The following EPHA2 variants were observed in gnomAD, a reference collection of about 807,000 sequenced individuals.
EPHA2 encodes the protein ephrin type-A receptor 2.
A neutral mutation model predicts 104.9 loss-of-function variants in EPHA2; 54 were observed. That is an observed-to-expected ratio of 0.51 (90% confidence interval 0.41 to 0.65). The LOEUF (loss-of-function observed/expected upper bound fraction) is 0.65, where lower values mean the gene tolerates loss of function less well. EPHA2 is among the 30% of genes least tolerant of loss of function. The pLI, the probability that EPHA2 is intolerant of heterozygous loss-of-function variation, is 0.00. For missense variants in EPHA2, 1,117 were observed against 1,369.5 expected (o/e 0.82, Z 2.91); for synonymous variants, 560 against 559.1 (o/e 1.00, Z -0.02).
intron 5 of EPHA2, 27 bp downstream of exon 5, chr1:16,137,826 G>C: frequency 6.2e-7 from 1 of 1,612,786 alleles, no homozygotes; most frequent in Non-Finnish European, 8.5e-7. Context: ...GGCCCCATAG[G>C]GCACAGCTGC....
Position 16,153,128 on chromosome 1 carries a change from G to A in EPHA2, c.86-2165C>T, listed in dbSNP as rs1200957266. The A allele has an allele frequency of 1.8e-5, 16 of 872,142 alleles. No individual in the cohort carries two copies. The South Asian group carries it at 8.6e-4, about 47-fold the overall frequency. The allele number at this position is 872,142 out of a possible 1,614,324, so 54.0% of individuals were successfully genotyped here. A position where few individuals can be genotyped will look rare whatever the true frequency, so the allele number is the denominator to read the frequency against. ...ATCCCCTTACCTTCCCATTTCTGGGGGGAAAAAAAAAAAGCAAAAAACACC... is the reference window on the plus strand; with the variant it reads ...ATCCCCTTACCTTCCCATTTCTGGGAGGAAAAAAAAAAAGCAAAAAACACC... On this transcript the variant is annotated intron_variant, in intron 1 of 16. Coordinates refer to ENST00000358432, the MANE Select transcript of EPHA2 (RefSeq NM_004431.5).
chr1:16,141,130 C>T (rs1400422392), intron 3 of EPHA2, among the ~76,000 whole-genome samples: 2 of 152,176 alleles, frequency 1.3e-5, no homozygotes, highest in Admixed American at 6.5e-5. Flanking sequence ...AAGGCCTGAC[C>T]CACTTCAAAA....
Position 16,150,812 on chromosome 1 carries a change from C to T in EPHA2, c.153+84G>A, listed in dbSNP as rs1183066215. On this transcript the variant is annotated intron_variant, in intron 2 of 16. Coordinates refer to ENST00000358432, the MANE Select transcript of EPHA2 (RefSeq NM_004431.5). This position sits in a 1 kb window ranked among gnomAD's most constrained non-coding sequence, Gnocchi z 4.8. ...TGCTGAATTGAAGCCAGGCCCCACG[C>T]TCCCTGGGCCTCAGTTTCTCCATCT... 2.7e-6 allele frequency: 4 copies of T among 1,478,102 alleles called. No individual in the cohort carries two copies. Among genetic ancestry groups the T allele is most frequent in the Middle Eastern group, 1.8e-4 (1 of 5,610 alleles). The allele number at this position is 1,478,102 out of a possible 1,614,324, so 91.6% of individuals were successfully genotyped here. A position where few individuals can be genotyped will look rare whatever the true frequency, so the allele number is the denominator to read the frequency against.
chr1:16,145,036 C>T (rs1455276044), intron 3 of EPHA2, among the ~76,000 whole-genome samples: 1 of 152,172 alleles, frequency 6.6e-6, no homozygotes, highest in African/African-American at 2.4e-5. Context: ...GAGCAGGAGC[C>T]TCTCAGGAGG....
At chr1:16,133,693 C>T in intron 9 of EPHA2, 87 bp from the exon 10 acceptor site, 2 of 1,589,128 alleles carry the variant, frequency 1.3e-6, no homozygotes, top group Non-Finnish European at 1.7e-6. Context: ...GTCACGTGAT[C>T]TTCAGAGACT....
At chr1:16,139,054 C>T (rs2024774821) in intron 3 of EPHA2, among the ~76,000 whole-genome samples, 1 of 152,238 alleles carries the variant, frequency 6.6e-6, no homozygotes, top group Admixed American at 6.5e-5. Context: ...TTCTCTGGCT[C>T]TGCTTCCAGG....
chr1:16,132,867 A>T (rs1451432193), intron 11 of EPHA2: 2 of 475,046 alleles, frequency 4.2e-6, no homozygotes, highest in East Asian at 7.7e-5. Flanking sequence ...TATGGGGGGA[A>T]GGTGGGCACA....
intron 5 of EPHA2, 69 bp downstream of exon 5, chr1:16,137,784 G>T: frequency 6.3e-7 from 1 of 1,587,946 alleles, no homozygotes; most frequent in African/African-American, 1.3e-5. Context: ...CCGAGCCCCA[G>T]ATGGCCGTCC....
chr1:16,132,501 C>T, intron 11 of EPHA2, 62 bp from the exon 12 acceptor site: 3 of 1,587,926 alleles, frequency 1.9e-6, no homozygotes, highest in Non-Finnish European at 2.6e-6. Flanking sequence ...GAGGTGGGCA[C>T]AGATATGGGG....
rs1306138475 is a variant in EPHA2, at chr1:16,148,364, G to C, written c.823+14C>G. On this transcript the variant is annotated intron_variant, in intron 3 of 16. Transcript: ENST00000358432. This position sits in a 1 kb window ranked among gnomAD's most constrained non-coding sequence, Gnocchi z 4.9. ...GCAGAACCCCCTTCCCTGCAACCCA[G>C]AACCGTCACTCACCCTGGCAGGCAT... 2 of 1,613,272 alleles carry C rather than the reference G, an allele frequency of 1.2e-6. No individual in the cohort carries two copies. Among genetic ancestry groups the C allele is most frequent in the East Asian group, 4.5e-5 (2 of 44,878 alleles).
rs2124261718 is a variant in EPHA2 at position 16,148,593 on chromosome 1, T to C, written c.608A>G (p.Glu203Gly). 1 of 1,610,350 alleles carries C rather than the reference T, an allele frequency of 6.2e-7. No individual in the cohort carries two copies. The highest frequency in any genetic ancestry group is 8.5e-7 in the Non-Finnish European group (1 of 1,179,974). ...SVRVYYKKCP[E>G]LLQGLAHFPE... is the part of the protein sequence containing the mutation. ...GAAGTGGGCCAGGCCCTGCAGCAGC[T>C]CGGGGCACTTCTTGTAGTAGACACG... The change falls in exon 3 of 17, where the codon GAG becomes GGG. Residue 203 changes from glutamate (E) to glycine (G), a missense_variant. Glu to Gly is a moderately conservative substitution (Grantham distance 98). This residue lies in a region of EPHA2 where 664 missense variants were observed against 784.8 expected (regional missense o/e 0.85). Coordinates refer to ENST00000358432, the MANE Select transcript of EPHA2 (RefSeq NM_004431.5). This position sits in a 1 kb window ranked among gnomAD's most constrained non-coding sequence, Gnocchi z 4.9.
chr1:16,152,556 G>T (rs1173330319), intron 1 of EPHA2, among the ~76,000 whole-genome samples: 4 of 152,274 alleles, frequency 2.6e-5, no homozygotes, highest in African/African-American at 9.6e-5. Context: ...CCCAGGGCCG[G>T]GGCTTTGAAA....
At chr1:16,147,812 C>A (rs890229145) in intron 3 of EPHA2, among the ~76,000 whole-genome samples, 2 of 151,786 alleles carry the variant, frequency 1.3e-5, no homozygotes, top group African/African-American at 4.8e-5. Flanking sequence ...TGAACACAGG[C>A]ATTCTTGTTT....
Position 16,131,809 on chromosome 1 carries a change from G to A in EPHA2, c.2387C>T (p.Ser796Phe), listed in dbSNP as rs2124199204. ...GCCAAAGCTCCACACGTCGCTGGCA[G>A]AGGTGAACTTCCGGTAGGAAATGGC... Reference protein sequence around the residue: ...PEAISYRKFTSASDVWSFGIV... With the variant: ...PEAISYRKFTFASDVWSFGIV... Residue 796 changes from serine (S) to phenylalanine (F), a missense_variant, in exon 14 of 17, where the codon TCT becomes TTT. Ser to Phe is a radical substitution (Grantham distance 155). Around this residue, in one of 3 missense-constraint regions of EPHA2, gnomAD observed 340 missense variants for 480.5 expected, o/e 0.71. Transcript: ENST00000358432. This position sits in a 1 kb window ranked among gnomAD's most constrained non-coding sequence, Gnocchi z 5.2. The A allele has an allele frequency of 3.1e-6, 5 of 1,614,138 alleles. No homozygotes were observed. Among genetic ancestry groups the A allele is most frequent in the Non-Finnish European group, 4.2e-6 (5 of 1,180,028 alleles).
In EPHA2 at chr1:16,135,041, G is replaced by A. The variant is rs775894984; in HGVS notation, c.1577C>T (p.Thr526Met). 48 of 1,612,416 alleles carry A rather than the reference G, an allele frequency of 3.0e-5. No individual in the cohort carries two copies. The highest frequency in any genetic ancestry group is 3.8e-5 in the Non-Finnish European group (45 of 1,180,026). Reference protein sequence around the residue: ...GAGSKVHEFQTLSPEGSGNLA... With the variant: ...GAGSKVHEFQMLSPEGSGNLA... ...CCCAGGGTCCCCCAACTCACACAGC[G>A]TCTGGAATTCGTGCACCTTGCTGCC... Residue 526 changes from threonine to methionine, a missense_variant, in exon 7 of 17, where the codon ACG becomes ATG. Coordinates refer to ENST00000358432, the MANE Select transcript of EPHA2 (RefSeq NM_004431.5). The surrounding 1 kb of genome is among the most constrained non-coding windows in gnomAD (Gnocchi z 4.3).
intron 1 of EPHA2, chr1:16,155,558 T>C (rs2025143730): frequency 5.3e-6 from 2 of 380,090 alleles, no homozygotes; most frequent in South Asian, 7.6e-5. Context: ...CCGGGACGCG[T>C]TCCCGAAGTC....
chr1:16,129,742 A>T (rs2024539709), intron 15 of EPHA2, among the ~76,000 whole-genome samples, 153 bp from the exon 16 acceptor site: 1 of 152,138 alleles, frequency 6.6e-6, no homozygotes, highest in Non-Finnish European at 1.5e-5. Flanking sequence ...AGTAGGGTTC[A>T]ATGAGACCTC....
rs1174748458 is a variant in EPHA2, at chr1:16,148,660, C to T, written c.541G>A (p.Ala181Thr). Residue 181 changes from alanine (A) to threonine (T), a missense_variant, in exon 3 of 17, where the codon GCC becomes ACC. This residue lies in a region of EPHA2 where 664 missense variants were observed against 784.8 expected (regional missense o/e 0.85). Coordinates refer to ENST00000358432, the MANE Select transcript of EPHA2 (RefSeq NM_004431.5). This position sits in a 1 kb window ranked among gnomAD's most constrained non-coding sequence, Gnocchi z 4.9. ...GPLTRKGFYL[A>T]FQDIGACVAL... Reference sequence around the variant, plus strand: ...ACACAGGCACCGATATCCTGGAAGGCCAGGTAGAAGCCTTTGCGGGTGAGC... The same window carrying T: ...ACACAGGCACCGATATCCTGGAAGGTCAGGTAGAAGCCTTTGCGGGTGAGC... The T allele has an allele frequency of 6.2e-7, 1 of 1,609,676 alleles. No individual in the cohort carries two copies. The highest frequency in any genetic ancestry group is 8.5e-7 in the Non-Finnish European group (1 of 1,180,026).
At chr1:16,126,103 C>T (rs1226276727) in intron 16 of EPHA2, among the ~76,000 whole-genome samples, 1 of 152,106 alleles carries the variant, frequency 6.6e-6, no homozygotes, top group Non-Finnish European at 1.5e-5. Context: ...AAACCAGCAG[C>T]CGAGGGGGAA....
Sources: gnomAD v4.1 joint callset for allele counts (sites outside exome capture counted in the v4.1 genomes callset) on GRCh38, gnomAD v4.1.1 for gene constraint, gnomAD v4.1.1 regional missense constraint, Gnocchi (gnomAD v3.1) non-coding constraint, MANE v1.5 for transcripts, NCBI Gene and HGNC (gene_info 2026-07-23, HGNC 2026-07-21) for gene names.